Variants in ZKSCAN7 observed in about 807,000 individuals in gnomAD.
ZKSCAN7 encodes zinc finger protein with KRAB and SCAN domains 7.
ZKSCAN7 carries 38 observed loss-of-function variants against 65.3 expected under a neutral mutation model. That is an observed-to-expected ratio of 0.58 (90% CI 0.45 to 0.76). The LOEUF is 0.76. Ranked by LOEUF, ZKSCAN7 falls within the 30% of genes least tolerant of loss-of-function variation. The pLI is 0.00. For synonymous variants in ZKSCAN7, 321 were observed against 321.0 expected (o/e 1.00, Z 0.00); for missense variants, 815 against 913.3 (o/e 0.89, Z 1.39).
In ZKSCAN7 at chr3:44,570,700, A is replaced by T. The variant is rs1559429314; in HGVS notation, c.1590A>T (p.Arg530Ser). ...KKPYKCNECG[R>S]AFCSNRNLID... ...CTTACAAATGCAATGAGTGTGGGAG[A>T]GCATTCTGTTCCAATAGAAATCTCA... The change falls in exon 6 of 6, where the codon AGA (arginine) becomes AGT (serine). Residue 530 changes from arginine (R) to serine (S), a missense_variant. Physicochemically the swap from Arg to Ser is moderately radical, Grantham distance 110. Transcript: ENST00000426540. 1 of 1,614,110 alleles carries T rather than the reference A, an allele frequency of 6.2e-7. No homozygotes were observed. Among genetic ancestry groups the T allele is most frequent in the East Asian group, 2.2e-5 (1 of 44,876 alleles).
At chr3:44,573,859 G>A (rs1206883252), downstream of ZKSCAN7, among the ~76,000 whole-genome samples, 1 of 152,110 alleles carries the variant, frequency 6.6e-6, no homozygotes, top group Non-Finnish European at 1.5e-5. Context: ...GGGAATAGTA[G>A]GGAAAAAAAG....
chr3:44,565,100 G>T (rs544380450), intron 2 of ZKSCAN7, among the ~76,000 whole-genome samples: 65 of 152,158 alleles, frequency 4.3e-4, no homozygotes, highest in Non-Finnish European at 7.3e-4. Flanking sequence ...ACTGCGCCTG[G>T]CCTATCCTTT....
intron 2 of ZKSCAN7, among the ~76,000 whole-genome samples, chr3:44,558,018 A>C (rs143459440): frequency 7.7e-4 from 118 of 152,302 alleles, no homozygotes; most frequent in African/African-American, 2.8e-3. Context: ...TTGCAAATGT[A>C]ATACCAAGGT....
chr3:44,572,940 A>T (rs539209875), downstream of ZKSCAN7, among the ~76,000 whole-genome samples: 12 of 151,874 alleles, frequency 7.9e-5, no homozygotes, highest in African/African-American at 2.9e-4. Context: ...TTGAAAATCC[A>T]GCTAGCAGCA....
intron 5 of ZKSCAN7, among the ~76,000 whole-genome samples, chr3:44,568,850 G>A (rs1461608144): frequency 6.6e-6 from 1 of 152,202 alleles, no homozygotes; most frequent in Admixed American, 6.5e-5. Context: ...ATGTAATGCA[G>A]CTGCTCGCAG....
At chr3:44,580,093 C>T in intron 5 of ZKSCAN7, 3 of 1,607,070 alleles carry the variant, frequency 1.9e-6, no homozygotes, top group African/African-American at 1.3e-5. Context: ...ATGTGCTCTG[C>T]CTTCTCAATG....
chr3:44,558,890 C>CA (rs1304560342), intron 2 of ZKSCAN7, among the ~76,000 whole-genome samples: 2 of 150,512 alleles, frequency 1.3e-5, no homozygotes, highest in Non-Finnish European at 3.0e-5. Flanking sequence ...GTGATCCTCC[C>CA]ACCTTAGCCT....
intron 2 of ZKSCAN7, among the ~76,000 whole-genome samples, chr3:44,563,337 G>C (rs1165171096): frequency 6.6e-6 from 1 of 152,090 alleles, no homozygotes; most frequent in Non-Finnish European, 1.5e-5. Context: ...CTTTATAGCA[G>C]TGCCCCACTT....
At chr3:44,560,517 T>C (rs1207102633) in intron 2 of ZKSCAN7, among the ~76,000 whole-genome samples, 1 of 147,872 alleles carries the variant, frequency 6.8e-6, no homozygotes. Context: ...TTTTTTTTTT[T>C]TTTTTTTTTT....
chr3:44,572,369 TGTGTG>T (rs763607649), downstream of ZKSCAN7, among the ~76,000 whole-genome samples: 51 of 150,808 alleles, frequency 3.4e-4, no homozygotes, highest in Non-Finnish European at 6.7e-4. Context: ...TGTGTGTGTG[TGTGTG>T]TGTGTGTGTG....
At chr3:44,580,186 G>A in intron 5 of ZKSCAN7, 1 of 1,610,260 alleles carries the variant, frequency 6.2e-7, no homozygotes, top group Non-Finnish European at 8.5e-7. Flanking sequence ...GGCGGGGGCA[G>A]CTGCTGTTCT....
intron 1 of ZKSCAN7, among the ~76,000 whole-genome samples, chr3:44,556,201 C>T (rs1411096415): frequency 6.6e-6 from 1 of 152,146 alleles, no homozygotes; most frequent in Non-Finnish European, 1.5e-5. Flanking sequence ...GGCCGTGCAG[C>T]AGTTTGGAGG....
intron 1 of ZKSCAN7, among the ~76,000 whole-genome samples, chr3:44,556,200 G>A (rs1455467085): frequency 6.6e-6 from 1 of 152,216 alleles, no homozygotes; most frequent in Non-Finnish European, 1.5e-5. Context: ...TGGCCGTGCA[G>A]CAGTTTGGAG....
At chr3:44,581,253 C>G (rs1043869774) in intron 5 of ZKSCAN7, among the ~76,000 whole-genome samples, 100 of 148,584 alleles carry the variant, frequency 6.7e-4, no homozygotes, top group African/African-American at 2.2e-3. Context: ...GCCCAGCCGC[C>G]GTGGGCCCAA....
rs541427715 is a variant in ZKSCAN7, at chr3:44,579,110, T to C, written c.812-3862T>C. On this transcript the variant is annotated intron_variant, in intron 5 of 5. Transcript: ENST00000341840. ...TTCCCGGAGAGGCGTGGTCTCCACC[T>C]GATGCCACCGCTGCTCGATCTCCAC... Among the ~76,000 whole-genome samples, 13 of 152,180 alleles carry C rather than the reference T, an allele frequency of 8.5e-5. No homozygotes were observed. In the South Asian group the frequency reaches 1.2e-3, roughly 15 times the overall value.
rs548471677 is a variant in ZKSCAN7 at position 44,578,944 on chromosome 3, G to A, written c.812-4028G>A. Among the ~76,000 whole-genome samples, 103 of 152,320 alleles carry A rather than the reference G, an allele frequency of 6.8e-4. 1 individual carries two copies. Among genetic ancestry groups the A allele is most frequent in the African/African-American group, 2.5e-3 (103 of 41,578 alleles). ...CCCTCAGCTGGTCCTGCAGGAGCCG[G>A]TTCTGCTCCAGAAGGTCTGAGGCCT... On this transcript the variant is annotated intron_variant, in intron 5 of 5. Coordinates refer to the ZKSCAN7 transcript ENST00000341840.
chr3:44,568,479 A>G (rs539180691), intron 5 of ZKSCAN7, 46 bp downstream of exon 5: 22 of 1,586,726 alleles, frequency 1.4e-5, no homozygotes, highest in Middle Eastern at 1.7e-4. Flanking sequence ...ATGCTGCACA[A>G]TCTCTTTTCT....
exon 6 of ZKSCAN7, chr3:44,583,034 C>T (rs754926277): frequency 1.1e-4 from 49 of 434,504 alleles, no homozygotes; most frequent in South Asian, 8.0e-4. Context: ...TCAAGCGATT[C>T]TCCTGCCTCA....
chr3:44,581,333 C>T (rs2125737856), intron 5 of ZKSCAN7, among the ~76,000 whole-genome samples: 2 of 151,332 alleles, frequency 1.3e-5, no homozygotes, highest in Middle Eastern at 6.8e-3. Context: ...GCCGTCCCGG[C>T]TCGTCCGCGC....
Sources: gnomAD v4.1 joint callset for allele counts (sites outside exome capture counted in the v4.1 genomes callset) on GRCh38, gnomAD v4.1.1 for gene constraint, MANE v1.5 for transcripts, NCBI Gene and HGNC (gene_info 2026-07-23, HGNC 2026-07-21) for gene names.